The following CNTNAP2 variants were observed in gnomAD, a reference collection of about 807,000 sequenced individuals.
The protein encoded by CNTNAP2 is contactin associated protein 2, also known as contactin-associated protein-like 2.
Under a neutral mutation model 155.2 loss-of-function variants are expected in CNTNAP2, and 98 were observed. The observed-to-expected ratio is 0.63, with a 90% CI of 0.54 to 0.75. The LOEUF (loss-of-function observed/expected upper bound fraction) is 0.75. Among genes scored for constraint, CNTNAP2 ranks in the 30% least tolerant of loss-of-function variants. The pLI, the probability that CNTNAP2 is intolerant of heterozygous loss-of-function variation, is 0.00. For missense variants in CNTNAP2, 1,727 were observed against 1,688.1 expected, an observed-to-expected ratio of 1.02 and a Z score of -0.40; for synonymous variants, 651 against 631.2, an observed-to-expected ratio of 1.03 and a Z score of -0.47.
chr7:147,756,707 G>T (rs1797217819), intron 13 of CNTNAP2, among the ~76,000 whole-genome samples: 1 of 152,090 alleles, frequency 6.6e-6, no homozygotes, highest in Admixed American at 6.5e-5. Context: ...TTCTAGAAGG[G>T]ACTCCTTCCT....
At chr7:147,331,585 G>C (rs1795570086) in intron 9 of CNTNAP2, among the ~76,000 whole-genome samples, 1 of 152,028 alleles carries the variant, frequency 6.6e-6, no homozygotes, top group African/African-American at 2.4e-5. Context: ...CAGCATTAAG[G>C]AGTGGACAGA....
intron 1 of CNTNAP2, among the ~76,000 whole-genome samples, chr7:146,555,170 C>T (rs1205255428): frequency 2.0e-5 from 3 of 152,108 alleles, no homozygotes; most frequent in Non-Finnish European, 4.4e-5. Context: ...CATTTTCTTT[C>T]TCCTTCAAAG....
At chr7:146,912,455 G>T (rs900712269) in intron 3 of CNTNAP2, among the ~76,000 whole-genome samples, 2 of 152,036 alleles carry the variant, frequency 1.3e-5, no homozygotes, top group Non-Finnish European at 2.9e-5. Context: ...AATTTTGTGG[G>T]AAATGCTATG....
intron 22 of CNTNAP2, among the ~76,000 whole-genome samples, chr7:148,385,630 A>ATTACT (rs762744718): frequency 6.6e-6 from 1 of 151,618 alleles, no homozygotes; most frequent in African/African-American, 2.4e-5. Flanking sequence ...TTTATGTATT[A>ATTACT]TTACTTAATT....
intron 21 of CNTNAP2, among the ~76,000 whole-genome samples, chr7:148,300,151 G>A (rs181468064): frequency 6.6e-6 from 1 of 152,312 alleles, no homozygotes; most frequent in African/African-American, 2.4e-5. Flanking sequence ...CTCTAACCCA[G>A]CAGGAGAGAT....
At chr7:147,432,918 G>A (rs1330704442) in intron 10 of CNTNAP2, among the ~76,000 whole-genome samples, 2 of 152,118 alleles carry the variant, frequency 1.3e-5, no homozygotes, top group African/African-American at 4.8e-5. Context: ...ATATGCATTC[G>A]CATGGTTATT....
chr7:147,454,812 T>C (rs964196232), intron 10 of CNTNAP2, among the ~76,000 whole-genome samples: 4 of 152,002 alleles, frequency 2.6e-5, no homozygotes, highest in Non-Finnish European at 5.9e-5. Flanking sequence ...TCAGGGCTCA[T>C]GATAAAGCTG....
intron 8 of CNTNAP2, among the ~76,000 whole-genome samples, chr7:147,198,955 CTTTTTT>C (rs531893928): frequency 3.0e-5 from 3 of 99,290 alleles, no homozygotes; most frequent in Admixed American, 1.1e-4. Context: ...AATCAAAGGA[CTTTTTT>C]TTTTTTTTTT....
intron 22 of CNTNAP2, among the ~76,000 whole-genome samples, chr7:148,395,127 C>A (rs865776985): frequency 6.9e-6 from 1 of 144,076 alleles, no homozygotes; most frequent in Non-Finnish European, 1.5e-5. Flanking sequence ...TGACCCCCCC[C>A]CCTTATTGAT....
At chr7:148,024,618 C>T (rs2116922869) in intron 15 of CNTNAP2, among the ~76,000 whole-genome samples, 1 of 152,330 alleles carries the variant, frequency 6.6e-6, no homozygotes, top group Middle Eastern at 3.4e-3. Context: ...TATTACCATG[C>T]TGCTAATGTT....
intron 1 of CNTNAP2, among the ~76,000 whole-genome samples, chr7:146,668,439 T>TGTGTGG (rs1800237700): frequency 7.4e-6 from 1 of 135,220 alleles, no homozygotes; most frequent in East Asian, 2.0e-4. Flanking sequence ...TGTGTGTGTG[T>TGTGTGG]GTGTGTGTGT....
intron 13 of CNTNAP2, among the ~76,000 whole-genome samples, chr7:147,650,337 G>T (rs1795430838): frequency 6.6e-6 from 1 of 152,148 alleles, no homozygotes; most frequent in South Asian, 2.1e-4. Flanking sequence ...GGTGCTATGA[G>T]AATACAATGA....
At chr7:147,853,950 C>G (rs1798994144) in intron 13 of CNTNAP2, among the ~76,000 whole-genome samples, 1 of 152,174 alleles carries the variant, frequency 6.6e-6, no homozygotes, top group Non-Finnish European at 1.5e-5. Flanking sequence ...CCTAAACTAT[C>G]TTGTAGAAAA....
At chr7:146,618,517 T>C (rs948762524) in intron 1 of CNTNAP2, among the ~76,000 whole-genome samples, 9 of 152,154 alleles carry the variant, frequency 5.9e-5, no homozygotes, top group Non-Finnish European at 8.8e-5. Flanking sequence ...AGACTGTTCC[T>C]ATGATGATGA....
chr7:147,577,914 AAGTATC>A (rs1251055177), intron 12 of CNTNAP2, among the ~76,000 whole-genome samples: 1 of 152,070 alleles, frequency 6.6e-6, no homozygotes, highest in African/African-American at 2.4e-5. Context: ...TCTATTTATT[AAGTATC>A]CAGTATTTCC....
chr7:147,544,739 A>G (rs1382986348), intron 11 of CNTNAP2, among the ~76,000 whole-genome samples: 2 of 152,104 alleles, frequency 1.3e-5, no homozygotes, highest in Middle Eastern at 3.4e-3. Context: ...GTGGGAGACA[A>G]TTGAATCATG....
chr7:148,224,889 A>C (rs1253522335), intron 19 of CNTNAP2, among the ~76,000 whole-genome samples: 1 of 152,200 alleles, frequency 6.6e-6, no homozygotes. Context: ...CGATCTCATC[A>C]CAACTCAGTC....
intron 13 of CNTNAP2, among the ~76,000 whole-genome samples, chr7:147,841,486 C>T (rs78356447): frequency 0.042 from 6,447 of 152,202 alleles, 193 homozygotes; most frequent in Middle Eastern, 0.061. Flanking sequence ...ACAGGTGCTA[C>T]AAGGTGTGCA....
intron 12 of CNTNAP2, among the ~76,000 whole-genome samples, chr7:147,601,045 A>C (rs1287306239): frequency 6.6e-6 from 1 of 152,134 alleles, no homozygotes; most frequent in Admixed American, 6.6e-5. Flanking sequence ...TCAGCCTCCA[A>C]ACATATCCAA....
Sources: gnomAD v4.1 joint callset for allele counts (sites outside exome capture counted in the v4.1 genomes callset) on GRCh38, gnomAD v4.1.1 for gene constraint, MANE v1.5 for transcripts, NCBI Gene and HGNC (gene_info 2026-07-23, HGNC 2026-07-21) for gene names.